Variants in NBEA observed in about 807,000 individuals in gnomAD.
The protein encoded by NBEA is neurobeachin, also known as lysosomal-trafficking regulator 2.
Under a neutral mutation model 343.4 loss-of-function variants are expected in NBEA, and 44 were observed. The ratio of observed to expected loss-of-function variants is 0.13; its 90% CI spans 0.10 to 0.16. The LOEUF (loss-of-function observed/expected upper bound fraction) is 0.16. NBEA is among the 10% of genes least tolerant of loss of function. The pLI, the probability that NBEA is intolerant of heterozygous loss-of-function variation, is 1.00. For synonymous variants in NBEA, 1,175 were observed against 1,238.7 expected (o/e 0.95, Z 1.08); for missense variants, 2,555 against 3,631.3 (o/e 0.70, Z 7.62).
At position 34,942,882 on chromosome 13, in the gene NBEA, C is replaced by T; in HGVS notation, c.62C>T (p.Ala21Val). Reference protein sequence around the residue: ...GLEPQPVGLIAVGAAGGGGGG... With the variant: ...GLEPQPVGLIVVGAAGGGGGG... Reference sequence around the variant, plus strand: ...GAGCCTCAGCCCGTGGGGCTCATTGCCGTCGGGGCCGCTGGCGGAGGCGGC... The same window carrying T: ...GAGCCTCAGCCCGTGGGGCTCATTGTCGTCGGGGCCGCTGGCGGAGGCGGC... Residue 21 changes from alanine (A) to valine (V), a missense_variant, in exon 1 of 59, where the codon GCC becomes GTC. Coordinates refer to ENST00000379939, the MANE Select transcript of NBEA (RefSeq NM_001385012.1). 1 of 1,440,282 alleles carries T rather than the reference C, an allele frequency of 6.9e-7. No individual in the cohort carries two copies. 89.2% of individuals were successfully genotyped at this position (1,440,282 alleles called of 1,614,324 possible).
At chr13:35,223,086 T>C (rs1167327676) in intron 33 of NBEA, among the ~76,000 whole-genome samples, 1 of 152,182 alleles carries the variant, frequency 6.6e-6, no homozygotes, top group Non-Finnish European at 1.5e-5. Context: ...GAGCTGAGAC[T>C]GTGCCACTGC....
At chr13:35,622,933 C>T (rs1041738771) in intron 48 of NBEA, among the ~76,000 whole-genome samples, 2 of 151,962 alleles carry the variant, frequency 1.3e-5, no homozygotes, top group Admixed American at 1.3e-4. Flanking sequence ...GAATTCTGTA[C>T]CATCCAATAC....
At position 35,593,471 on chromosome 13, in the gene NBEA, T is replaced by C. The variant is rs577997994; in HGVS notation, c.7296+24T>C. 10 of 1,571,058 alleles carry C rather than the reference T, an allele frequency of 6.4e-6. No homozygotes were observed. The South Asian group carries it at 1.2e-4, about 19-fold the overall frequency. ...AGGTAGGCTCTTTTATTTGTTGATA[T>C]TCATTAAATTTCAAAATATGTGGAA... On this transcript the variant is annotated intron_variant, in intron 47 of 58. Transcript: ENST00000379939.
Position 35,159,657 on chromosome 13 carries a change from T to C in NBEA, c.3486T>C (p.Leu1162=). 1 of 1,611,532 alleles carries C rather than the reference T, an allele frequency of 6.2e-7. No individual in the cohort carries two copies. Among genetic ancestry groups the C allele is most frequent in the East Asian group, 2.2e-5 (1 of 44,720 alleles). ...AGGAGGAAAAACTACTTCCTGAACT[T>C]TCTAGCAATCACATTATTCCAAATA... ...PKQEEKLLPE[L]SSNHIIPNIQ... is the part of the protein sequence containing the mutation. Residue 1162 remains leucine, a synonymous_variant, in exon 22 of 59, where the codon CTT becomes CTC. Coordinates refer to ENST00000379939, the MANE Select transcript of NBEA (RefSeq NM_001385012.1).
chr13:35,413,266 G>A (rs2043699591), intron 38 of NBEA, among the ~76,000 whole-genome samples: 1 of 152,054 alleles, frequency 6.6e-6, no homozygotes, highest in Non-Finnish European at 1.5e-5. Flanking sequence ...TTTAATCTTG[G>A]TAGGATTAGA....
chr13:35,364,321 A>C (rs1786782128), intron 38 of NBEA, among the ~76,000 whole-genome samples: 3 of 151,892 alleles, frequency 2.0e-5, no homozygotes. Context: ...AGCACTGAAA[A>C]TAGTTTGAAG....
At chr13:34,994,690 C>T (rs1001469543) in intron 1 of NBEA, among the ~76,000 whole-genome samples, 1 of 152,062 alleles carries the variant, frequency 6.6e-6, no homozygotes, top group Non-Finnish European at 1.5e-5. Context: ...ACTGTGACCA[C>T]CAGGTAACTT....
chr13:35,374,673 A>T (rs2041641799), intron 38 of NBEA, among the ~76,000 whole-genome samples: 1 of 152,178 alleles, frequency 6.6e-6, no homozygotes, highest in Admixed American at 6.6e-5. Context: ...TTTAAAAGGA[A>T]ACCTAAATAA....
chr13:35,063,577 A>G (rs2063541957), intron 8 of NBEA, among the ~76,000 whole-genome samples: 1 of 152,116 alleles, frequency 6.6e-6, no homozygotes, highest in Admixed American at 6.6e-5. Context: ...GAACAATTAC[A>G]TGCTTTCAGA....
At chr13:35,421,165 G>A (rs1221893845) in intron 38 of NBEA, among the ~76,000 whole-genome samples, 5 of 151,936 alleles carry the variant, frequency 3.3e-5, no homozygotes, top group Non-Finnish European at 7.4e-5. Flanking sequence ...TGTCCAACAA[G>A]TGTTGATATT....
At chr13:35,236,734 C>G (rs1218835937) in intron 34 of NBEA, among the ~76,000 whole-genome samples, 10 of 151,540 alleles carry the variant, frequency 6.6e-5, no homozygotes, top group Non-Finnish European at 1.5e-4. Flanking sequence ...GGGATTACAG[C>G]CATGAGCCAC....
At chr13:35,339,121 A>G (rs1298282225) in intron 36 of NBEA, among the ~76,000 whole-genome samples, 3 of 152,160 alleles carry the variant, frequency 2.0e-5, no homozygotes, top group Non-Finnish European at 4.4e-5. Context: ...TACTAGTGCT[A>G]TTCAACATTA....
chr13:35,262,937 C>A (rs73489537), intron 34 of NBEA, among the ~76,000 whole-genome samples: 3,541 of 152,204 alleles, frequency 0.023, 92 homozygotes, highest in African/African-American at 0.064. Context: ...CTATAAAAGT[C>A]CCAATAATGT....
intron 13 of NBEA, among the ~76,000 whole-genome samples, chr13:35,113,131 T>G (rs1165363499): frequency 6.6e-6 from 1 of 152,196 alleles, no homozygotes; most frequent in South Asian, 2.1e-4. Flanking sequence ...GACCTTGACA[T>G]TTTTGAATAA....
intron 34 of NBEA, among the ~76,000 whole-genome samples, chr13:35,283,145 A>G (rs2035167696): frequency 6.6e-6 from 1 of 152,126 alleles, no homozygotes. Context: ...ATTTTGTAGA[A>G]GATTTATCTG....
At chr13:35,238,775 G>C (rs1468223846) in intron 34 of NBEA, among the ~76,000 whole-genome samples, 1 of 151,896 alleles carries the variant, frequency 6.6e-6, no homozygotes, top group African/African-American at 2.4e-5. Context: ...CTCTACTTTT[G>C]GTGGCATCAA....
chr13:35,236,469 C>T (rs199507342), intron 34 of NBEA, among the ~76,000 whole-genome samples: 4 of 145,346 alleles, frequency 2.8e-5, no homozygotes, highest in African/African-American at 7.6e-5. Context: ...TTGTTTGAGA[C>T]GGAGTCTTGC....
intron 34 of NBEA, among the ~76,000 whole-genome samples, chr13:35,267,906 G>A (rs1410715456): frequency 2.0e-5 from 3 of 151,818 alleles, no homozygotes; most frequent in Admixed American, 6.6e-5. Flanking sequence ...TGAACTGTTG[G>A]TGGGATTTTA....
At chr13:35,102,847 T>A (rs1490872526) in intron 11 of NBEA, among the ~76,000 whole-genome samples, 3 of 151,842 alleles carry the variant, frequency 2.0e-5, no homozygotes, top group Non-Finnish European at 4.4e-5. Context: ...GTTTTTTTCC[T>A]TTCTAATTTT....
Sources: allele counts gnomAD v4.1 joint callset (sites outside exome capture counted in the v4.1 genomes callset), GRCh38; gene constraint gnomAD v4.1.1; transcripts MANE v1.5; gene names NCBI Gene and HGNC (gene_info 2026-07-23, HGNC 2026-07-21).